P2RY14: variants seen among roughly 807,000 people sequenced by gnomAD.
P2RY14 encodes purinergic receptor P2Y14, also known as P2Y purinoceptor 14.
A neutral mutation model predicts 0.9 loss-of-function variants in P2RY14; 2 were observed. The ratio of observed to expected loss-of-function variants is 2.16; its 90% CI spans 0.88 to 6.79. The LOEUF is 6.79. Among genes scored for constraint, P2RY14 ranks in the 30% most tolerant of loss-of-function variants. The probability of loss-of-function intolerance (pLI) is 0.05; values close to 1 mark genes in which losing one functional copy is unlikely to be tolerated. For synonymous variants in P2RY14, 158 were observed against 147.2 expected, an observed-to-expected ratio of 1.07 and a Z score of -0.53; for missense variants, 378 against 400.1, an observed-to-expected ratio of 0.94 and a Z score of 0.47.
At chr3:151,252,784 C>T (rs775049540) in intron 1 of P2RY14, among the ~76,000 whole-genome samples, 4 of 152,070 alleles carry the variant, frequency 2.6e-5, no homozygotes, top group Non-Finnish European at 5.9e-5. Flanking sequence ...TATCTACTAA[C>T]TAGATAAGTT....
Position 151,213,704 on chromosome 3 carries a change from A to G in P2RY14, c.613T>C (p.Phe205Leu). 1.2e-6 allele frequency: 2 copies of G among 1,614,214 alleles called. No homozygotes were observed. ...ATTTTCTTTGTGATAGCAGTATAGA[A>G]AACGATTAACAAAAGAAACACAATC... Reference protein sequence around the residue: ...FWIVFLLLIVFYTAITKKIFK... With the variant: ...FWIVFLLLIVLYTAITKKIFK... The change falls in exon 3 of 3, where the codon TTC (phenylalanine) becomes CTC (leucine). Residue 205 changes from phenylalanine to leucine, a missense_variant. Transcript: ENST00000309170.
In P2RY14 at chr3:151,233,682, G is replaced by A. The variant is rs142917400; in HGVS notation, c.-132-14040C>T. ...CGGGAGGCGGAGGTTGTGGTGAGCC[G>A]AGATCGTGCCATTGCACTCCAACCT... On this transcript the variant is annotated intron_variant, in intron 1 of 2. Coordinates refer to ENST00000309170, the MANE Select transcript of P2RY14 (RefSeq NM_014879.4). 9.3e-3 allele frequency among the ~76,000 whole-genome samples: 1,423 copies of A among 152,316 alleles called. 22 individuals are homozygous for A. Among genetic ancestry groups the A allele is most frequent in the African/African-American group, 0.032 (1,324 of 41,568 alleles).
chr3:151,246,308 G>T (rs1421113165), intron 1 of P2RY14, among the ~76,000 whole-genome samples: 1 of 152,024 alleles, frequency 6.6e-6, no homozygotes, highest in African/African-American at 2.4e-5. Context: ...AGCCCGTATC[G>T]CCAAGTCAAT....
intron 1 of P2RY14, among the ~76,000 whole-genome samples, chr3:151,267,234 C>G (rs1469195729): frequency 6.6e-6 from 1 of 151,978 alleles, no homozygotes; most frequent in East Asian, 1.9e-4. Flanking sequence ...TTCTTTTTGA[C>G]CTTTGGCTGT....
At position 151,249,665 on chromosome 3, in the gene P2RY14, G is replaced by T. The variant is rs556770890; in HGVS notation, c.-133+28622C>A. On this transcript the variant is annotated intron_variant, in intron 1 of 2. Transcript: ENST00000309170. ...TCCTGACACATTTCCAGCCTTGAAT[G>T]GGGGCTTTTGGGTCTCCAATCATTC... Among the ~76,000 whole-genome samples the T allele has an allele frequency of 2.6e-3, 389 of 152,234 alleles. 1 individual carries two copies. The highest frequency in any genetic ancestry group is 9.1e-3 in the African/African-American group (378 of 41,540).
chr3:151,259,878 G>A (rs939102855), intron 1 of P2RY14, among the ~76,000 whole-genome samples: 5 of 152,186 alleles, frequency 3.3e-5, no homozygotes, highest in Admixed American at 6.5e-5. Context: ...GTCTCTGACT[G>A]TGTTAGTTCA....
intron 1 of P2RY14, among the ~76,000 whole-genome samples, chr3:151,229,473 ATTT>A (rs59434401): frequency 0.39 from 34,413 of 89,160 alleles, 5,139 homozygotes; most frequent in East Asian, 0.53. Flanking sequence ...TGCCCGGCTA[ATTT>A]TTTTTTTTTT....
intron 1 of P2RY14, among the ~76,000 whole-genome samples, chr3:151,277,566 T>C (rs1036975518): frequency 2.0e-5 from 3 of 152,186 alleles, no homozygotes; most frequent in Admixed American, 6.5e-5. Context: ...GTAGACAAGA[T>C]GGATTGCATG....
intron 1 of P2RY14, among the ~76,000 whole-genome samples, chr3:151,226,073 G>T (rs974328266): frequency 6.6e-6 from 1 of 152,188 alleles, no homozygotes; most frequent in African/African-American, 2.4e-5. Flanking sequence ...GAAGATTCCA[G>T]TCTAGGGGGA....
At position 151,213,316 on chromosome 3, in the gene P2RY14, CTT is replaced by C. The variant is rs1387816585; in HGVS notation, c.999_1000del (p.Ser334HisfsTer25). The stretch of plus-strand genomic sequence containing the variant: ...GGTAGGAACTCACAAAGTATCTGTG[CTT>C]TCAAGTGTTGTATTTCCTCTTTTGA... On this transcript the variant is annotated frameshift_variant, in exon 3 of 3. Transcript: ENST00000309170. LOFTEE classifies it high-confidence loss of function. 1.2e-6 allele frequency: 2 copies of C among 1,608,594 alleles called. No individual in the cohort carries two copies. The highest frequency in any genetic ancestry group is 1.7e-6 in the Non-Finnish European group (2 of 1,177,960).
intron 1 of P2RY14, among the ~76,000 whole-genome samples, chr3:151,223,637 G>A (rs550026341): frequency 1.5e-4 from 23 of 152,210 alleles, no homozygotes; most frequent in Admixed American, 2.0e-4. Context: ...ACTAAACATT[G>A]GATACACATG....
At chr3:151,228,082 CTCA>C (rs1396278485) in intron 1 of P2RY14, among the ~76,000 whole-genome samples, 1 of 152,132 alleles carries the variant, frequency 6.6e-6, no homozygotes, top group East Asian at 1.9e-4. Context: ...AATTGAATAA[CTCA>C]TCAGCAGTAA....
At chr3:151,271,466 G>A (rs1219961139) in intron 1 of P2RY14, among the ~76,000 whole-genome samples, 6 of 152,178 alleles carry the variant, frequency 3.9e-5, no homozygotes, top group Non-Finnish European at 7.4e-5. Context: ...AGTTAAACAT[G>A]TTGCTTCCTT....
chr3:151,250,875 T>C (rs1025885966), intron 1 of P2RY14, among the ~76,000 whole-genome samples: 3 of 152,204 alleles, frequency 2.0e-5, no homozygotes, highest in Admixed American at 6.5e-5. Context: ...CCATCTTACG[T>C]TCCCACCAAC....
intron 1 of P2RY14, among the ~76,000 whole-genome samples, chr3:151,258,473 C>G (rs1033383623): frequency 6.6e-6 from 1 of 152,124 alleles, no homozygotes; most frequent in Admixed American, 6.5e-5. Flanking sequence ...GGGTTAAATT[C>G]CAGGGTATCC....
In P2RY14 at chr3:151,237,748, T is replaced by C. The variant is rs180919328; in HGVS notation, c.-132-18106A>G. ...CAGTCCTCTCTGACGTTTTATCTTT[T>C]CAGATTAAAAATTTTTTTCTTATGA... On this transcript the variant is annotated intron_variant, in intron 1 of 2. Coordinates refer to ENST00000309170, the MANE Select transcript of P2RY14 (RefSeq NM_014879.4). Among the ~76,000 whole-genome samples, 61 of 152,338 alleles carry C rather than the reference T, an allele frequency of 4.0e-4. No homozygotes were observed. In the East Asian group the frequency reaches 0.011, roughly 26 times the overall value.
intron 1 of P2RY14, among the ~76,000 whole-genome samples, chr3:151,222,852 G>A (rs1471014060): frequency 6.6e-6 from 1 of 152,104 alleles, no homozygotes; most frequent in Non-Finnish European, 1.5e-5. Context: ...CGGGACTTTA[G>A]ACAAGAAAAA....
intron 1 of P2RY14, among the ~76,000 whole-genome samples, chr3:151,257,238 C>G (rs1737987346): frequency 6.6e-6 from 1 of 152,188 alleles, no homozygotes; most frequent in African/African-American, 2.4e-5. Flanking sequence ...CAGTGTAATT[C>G]TCAGTTTACT....
rs1374686586 is a variant in P2RY14 at position 151,212,437 on chromosome 3, C to T, written c.*863G>A. ...GCTTTCTAAGAAAATGGTCTCCTTT[C>T]CCATTCGCCAGTAGATTAATATATG... On this transcript the variant is annotated 3_prime_UTR_variant, in exon 3 of 3. Coordinates refer to ENST00000309170, the MANE Select transcript of P2RY14 (RefSeq NM_014879.4). The T allele has an allele frequency of 6.6e-6, 1 of 152,094 alleles. No individual in the cohort carries two copies. Among genetic ancestry groups the T allele is most frequent in the Non-Finnish European group, 1.5e-5 (1 of 68,000 alleles). The allele number at this position is 152,094 out of a possible 1,614,324, so 9.4% of individuals were successfully genotyped here. A position where few individuals can be genotyped will look rare whatever the true frequency, so the allele number is the denominator to read the frequency against.
Sources: gnomAD v4.1 joint callset for allele counts (sites outside exome capture counted in the v4.1 genomes callset) on GRCh38, gnomAD v4.1.1 for gene constraint, MANE v1.5 for transcripts, NCBI Gene and HGNC (gene_info 2026-07-23, HGNC 2026-07-21) for gene names.